LDB2: variants seen among roughly 807,000 people sequenced by gnomAD.
LDB2 encodes LIM domain-binding protein 2.
In LDB2, 12 loss-of-function variants were observed where a neutral mutation model predicts 44.3. The ratio of observed to expected loss-of-function variants is 0.27; its 90% confidence interval spans 0.17 to 0.44. LDB2 has a LOEUF of 0.44. Ranked by LOEUF, LDB2 falls within the 20% of genes least tolerant of loss-of-function variation. The pLI is 1.00. For synonymous variants in LDB2, 164 were observed against 174.8 expected (o/e 0.94, Z 0.49); for missense variants, 344 against 473.5 (o/e 0.73, Z 2.54).
chr4:16,784,833 C>T (rs908326043), intron 1 of LDB2, among the ~76,000 whole-genome samples: 4 of 152,136 alleles, frequency 2.6e-5, no homozygotes, highest in Non-Finnish European at 1.5e-5. Flanking sequence ...TGGTTTTATT[C>T]TCCCTAAAAA....
intron 5 of LDB2, among the ~76,000 whole-genome samples, chr4:16,519,024 T>C (rs1259780346): frequency 1.3e-5 from 2 of 152,230 alleles, no homozygotes; most frequent in Non-Finnish European, 2.9e-5. Context: ...CTATAGCACT[T>C]ATCGTGAATC....
At chr4:16,643,544 TG>T (rs1735811047) in intron 2 of LDB2, among the ~76,000 whole-genome samples, 1 of 152,236 alleles carries the variant, frequency 6.6e-6, no homozygotes, top group African/African-American at 2.4e-5. Context: ...CTGATCCCTT[TG>T]CATTTTGCAA....
At chr4:16,503,469 A>T (rs1718104143) in intron 7 of LDB2, among the ~76,000 whole-genome samples, 1 of 152,246 alleles carries the variant, frequency 6.6e-6, no homozygotes, top group Non-Finnish European at 1.5e-5. Flanking sequence ...ACATTCTGCT[A>T]CTTAATTATG....
At chr4:16,711,650 A>G (rs1466306340) in intron 2 of LDB2, among the ~76,000 whole-genome samples, 1 of 152,214 alleles carries the variant, frequency 6.6e-6, no homozygotes, top group African/African-American at 2.4e-5. Context: ...ATGATGGGCT[A>G]GTAATCCAGG....
chr4:16,888,411 T>C (rs1412055384), intron 1 of LDB2, among the ~76,000 whole-genome samples: 1 of 152,216 alleles, frequency 6.6e-6, no homozygotes, highest in East Asian at 1.9e-4. Context: ...GCCTAAGAAA[T>C]AATTCTAGCC....
intron 5 of LDB2, among the ~76,000 whole-genome samples, chr4:16,527,462 C>T (rs1413715796): frequency 1.3e-5 from 2 of 151,822 alleles, no homozygotes; most frequent in Admixed American, 1.3e-4. Flanking sequence ...GAAAAGGGAA[C>T]ACTTTTACAC....
rs1297562152 is a variant in LDB2, at chr4:16,725,889, A to G, written c.235+33269T>C. On this transcript the variant is annotated intron_variant, in intron 2 of 7. Coordinates refer to ENST00000304523, the MANE Select transcript of LDB2 (RefSeq NM_001290.5). ...TGCATGTATATATATATTTATGTGTATATATATATATATTATGTATATATA... is the reference window on the plus strand; with the variant it reads ...TGCATGTATATATATATTTATGTGTGTATATATATATATTATGTATATATA... Among the ~76,000 whole-genome samples the G allele has an allele frequency of 4.9e-3, 161 of 33,118 alleles. 1 individual carries two copies. Among genetic ancestry groups the G allele is most frequent in the Admixed American group, 0.018 (60 of 3,264 alleles). The allele number at this position is 33,118 out of a possible 152,430, so 21.7% of individuals were successfully genotyped here.
intron 1 of LDB2, among the ~76,000 whole-genome samples, chr4:16,879,573 C>T (rs1719448670): frequency 6.6e-6 from 1 of 152,184 alleles, no homozygotes; most frequent in South Asian, 2.1e-4. Flanking sequence ...TTCCTACTTT[C>T]AGTGCTTCTA....
chr4:16,687,617 A>T (rs1749570763), intron 2 of LDB2, among the ~76,000 whole-genome samples: 1 of 152,212 alleles, frequency 6.6e-6, no homozygotes, highest in Non-Finnish European at 1.5e-5. Flanking sequence ...GAAACCAAAC[A>T]CTATCAGACC....
chr4:16,806,701 C>T (rs1397660744), intron 1 of LDB2, among the ~76,000 whole-genome samples: 2 of 152,174 alleles, frequency 1.3e-5, no homozygotes, highest in East Asian at 1.9e-4. Context: ...GAATCTTCCC[C>T]AAATATTGGG....
intron 5 of LDB2, among the ~76,000 whole-genome samples, chr4:16,562,695 AC>A (rs1742854629): frequency 6.6e-6 from 1 of 152,218 alleles, no homozygotes; most frequent in African/African-American, 2.4e-5. Context: ...ATACCATTTG[AC>A]CCAGCCATCC....
chr4:16,845,841 C>T (rs915349556), intron 1 of LDB2, among the ~76,000 whole-genome samples: 2 of 152,158 alleles, frequency 1.3e-5, no homozygotes, highest in African/African-American at 4.8e-5. Context: ...GGCGCGGTGG[C>T]TCCTGCCTGT....
At chr4:16,518,155 C>T (rs1724560454) in intron 5 of LDB2, among the ~76,000 whole-genome samples, 1 of 152,184 alleles carries the variant, frequency 6.6e-6, no homozygotes, top group African/African-American at 2.4e-5. Context: ...GAGGACCTAA[C>T]AAATGTAGAC....
At chr4:16,859,362 T>A (rs1711680375) in intron 1 of LDB2, among the ~76,000 whole-genome samples, 1 of 152,218 alleles carries the variant, frequency 6.6e-6, no homozygotes, top group Non-Finnish European at 1.5e-5. Flanking sequence ...TGCCCTGGTG[T>A]TTCAATCACG....
At chr4:16,528,223 C>G (rs12644180) in intron 5 of LDB2, among the ~76,000 whole-genome samples, 61,484 of 151,878 alleles carry the variant, frequency 0.4, 13,620 homozygotes, top group East Asian at 0.63. Flanking sequence ...GGGAGGGAAG[C>G]GGGTGAGAGG....
At chr4:16,675,588 A>G (rs1746071923) in intron 2 of LDB2, among the ~76,000 whole-genome samples, 1 of 152,190 alleles carries the variant, frequency 6.6e-6, no homozygotes, top group African/African-American at 2.4e-5. Flanking sequence ...AATGAAAAAA[A>G]AAAACCCTTA....
chr4:16,785,035 T>C (rs1352407072), intron 1 of LDB2, among the ~76,000 whole-genome samples: 1 of 151,988 alleles, frequency 6.6e-6, no homozygotes, highest in Non-Finnish European at 1.5e-5. Flanking sequence ...ATTAATGGCA[T>C]GCTTATAATA....
At chr4:16,659,558 G>A (rs1176962223) in intron 2 of LDB2, among the ~76,000 whole-genome samples, 1 of 147,292 alleles carries the variant, frequency 6.8e-6, no homozygotes, top group Non-Finnish European at 1.5e-5. Context: ...TAAGTAGGCA[G>A]GAGGGAGTTT....
At chr4:16,558,491 G>C (rs540125124) in intron 5 of LDB2, among the ~76,000 whole-genome samples, 1 of 152,144 alleles carries the variant, frequency 6.6e-6, no homozygotes, top group East Asian at 1.9e-4. Flanking sequence ...GAAATGAAGC[G>C]AGAAGGGAAG....
Sources: gnomAD v4.1 joint callset for allele counts (sites outside exome capture counted in the v4.1 genomes callset) on GRCh38, gnomAD v4.1.1 for gene constraint, MANE v1.5 for transcripts, NCBI Gene and HGNC (gene_info 2026-07-23, HGNC 2026-07-21) for gene names.